The following SATL1 variants were observed in gnomAD, a reference collection of about 807,000 sequenced individuals.
SATL1 encodes spermidine/spermine N(1)-acetyltransferase-like protein 1.
SATL1 carries 47 observed loss-of-function variants against 51.8 expected under a neutral mutation model. The ratio of observed to expected loss-of-function variants is 0.91; its 90% CI spans 0.72 to 1.16. The LOEUF (loss-of-function observed/expected upper bound fraction) is 1.16. Among genes scored for constraint, SATL1 ranks in the 50% most tolerant of loss-of-function variants. SATL1 has a pLI of 0.00. For missense variants in SATL1, 520 were observed against 526.4 expected (o/e 0.99, Z 0.12); for synonymous variants, 176 against 182.4 (o/e 0.97, Z 0.28).
chrX:85,140,495 A>G (rs945266459), intron 2 of SATL1, among the ~76,000 whole-genome samples: 2 of 112,189 alleles, frequency 1.8e-5, no homozygotes, highest in African/African-American at 6.5e-5. Flanking sequence ...CTCCCTTTGA[A>G]ATATGTTTGG....
At chrX:85,157,921 C>T in intron 2 of SATL1, among the ~76,000 whole-genome samples, 1 of 111,514 alleles carries the variant, frequency 9.0e-6, no homozygotes. Flanking sequence ...GATTGTTTCC[C>T]AAAGTCTGGG....
chrX:85,097,203 C>T (rs777805104), intron 4 of SATL1, among the ~76,000 whole-genome samples: 2 of 111,477 alleles, frequency 1.8e-5, no homozygotes, highest in Non-Finnish European at 3.8e-5. Context: ...CAGTAAGACT[C>T]GCTGTGGGAC....
intron 7 of SATL1, 182 bp downstream of exon 7, chrX:85,093,003 C>T: frequency 2.5e-6 from 1 of 401,356 alleles, no homozygotes. Flanking sequence ...TTTTAATTGA[C>T]TATAATTCAT....
At chrX:85,131,313 T>G (rs866572492) in intron 2 of SATL1, among the ~76,000 whole-genome samples, 2 of 111,786 alleles carry the variant, frequency 1.8e-5, no homozygotes, top group Non-Finnish European at 3.8e-5. Context: ...AGAACTTGCT[T>G]TATGAATCTG....
intron 2 of SATL1, among the ~76,000 whole-genome samples, chrX:85,169,476 C>A (rs1327622206): frequency 1.8e-5 from 2 of 111,092 alleles, no homozygotes; most frequent in East Asian, 2.8e-4. Flanking sequence ...AGAAAAGACA[C>A]TTTTCAAAAG....
chrX:85,203,453 A>C (rs1012411556), intron 2 of SATL1, among the ~76,000 whole-genome samples: 1 of 111,155 alleles, frequency 9.0e-6, no homozygotes, highest in African/African-American at 3.3e-5. Context: ...TTGAAGGCCA[A>C]AGGCTGGAAT....
intron 2 of SATL1, among the ~76,000 whole-genome samples, chrX:85,120,498 A>G (rs886624288): frequency 9.0e-6 from 1 of 111,715 alleles, no homozygotes; most frequent in African/African-American, 3.2e-5. Flanking sequence ...TTACTTTGGG[A>G]TTATTGGGAA....
At chrX:85,204,561 G>A (rs1053769841) in intron 2 of SATL1, among the ~76,000 whole-genome samples, 4 of 112,237 alleles carry the variant, frequency 3.6e-5, no homozygotes, top group Admixed American at 9.4e-5. Context: ...AGCTCATAGG[G>A]TTCTGTGAGT....
At chrX:85,159,373 C>T (rs1325449585) in intron 2 of SATL1, among the ~76,000 whole-genome samples, 3 of 111,673 alleles carry the variant, frequency 2.7e-5, no homozygotes, top group Admixed American at 1.9e-4. Flanking sequence ...AGATTAGTGG[C>T]AGCATTAGAT....
chrX:85,150,934 C>T (rs1195206240), intron 2 of SATL1, among the ~76,000 whole-genome samples: 1 of 111,159 alleles, frequency 9.0e-6, no homozygotes, highest in Non-Finnish European at 1.9e-5. Flanking sequence ...CTCACCGCTC[C>T]TATTCAACAC....
In SATL1 at chrX:85,135,806, C is replaced by T. The variant is rs1177684618; in HGVS notation, c.-312-26526G>A. 6.4e-5 allele frequency among the ~76,000 whole-genome samples: 7 copies of T among 109,636 alleles called. No homozygotes were observed. In the East Asian group the frequency reaches 2.0e-3, roughly 32 times the overall value. ...TGTTGCTCAGGCTGGTCTCAAACTC[C>T]TGAGCTCAAGCGTTCCATCTGCCTT... On this transcript the variant is annotated intron_variant, in intron 2 of 7. Transcript: ENST00000644105.
At chrX:85,187,079 C>T (rs1277586279) in intron 2 of SATL1, among the ~76,000 whole-genome samples, 1 of 111,644 alleles carries the variant, frequency 9.0e-6, no homozygotes, top group Non-Finnish European at 1.9e-5. Context: ...TGATTTATTC[C>T]TAAATATTTT....
chrX:85,126,482 A>G (rs1925626777), intron 2 of SATL1, among the ~76,000 whole-genome samples: 1 of 111,419 alleles, frequency 9.0e-6, no homozygotes, highest in Non-Finnish European at 1.9e-5. Flanking sequence ...AGTAAGTAGT[A>G]AAAATCAAAT....
At position 85,156,845 on chromosome X, in the gene SATL1, ATATATATATATATATATATATAT is replaced by A. The variant is rs1569238878; in HGVS notation, c.-312-47588_-312-47566del. On this transcript the variant is annotated intron_variant, in intron 2 of 7. Coordinates refer to ENST00000644105, the MANE Select transcript of SATL1 (RefSeq NM_001367857.2). Reference sequence around the variant, plus strand: ...TATATATATATATATATATATATATATATATATATATATATATATATATAAAATATGTAAATCTCTTCTCATCC... The same window carrying A: ...TATATATATATATATATATATATATAAAAATATGTAAATCTCTTCTCATCC... Among the ~76,000 whole-genome samples, 15 of 34,211 alleles carry A rather than the reference ATATATATATATATATATATATAT, an allele frequency of 4.4e-4. 1 individual carries two copies. Among genetic ancestry groups the A allele is most frequent in the African/African-American group, 9.9e-4 (11 of 11,137 alleles). 29.7% of individuals were successfully genotyped at this position (34,211 alleles called of 115,157 possible).
At chrX:85,148,431 C>T (rs1414374010) in intron 2 of SATL1, among the ~76,000 whole-genome samples, 2 of 110,015 alleles carry the variant, frequency 1.8e-5, no homozygotes, top group East Asian at 5.7e-4. Flanking sequence ...TCTAGCAAGG[C>T]AGGCCAACAT....
chrX:85,227,551 T>C (rs1245403129), intron 1 of SATL1, among the ~76,000 whole-genome samples: 3 of 111,846 alleles, frequency 2.7e-5, no homozygotes, highest in Admixed American at 9.5e-5. Flanking sequence ...TTGCAAACGT[T>C]ATATCCAGAT....
intron 2 of SATL1, among the ~76,000 whole-genome samples, chrX:85,179,227 T>C (rs1206309887): frequency 8.9e-6 from 1 of 112,142 alleles, no homozygotes; most frequent in African/African-American, 3.2e-5. Flanking sequence ...ATTCTACACA[T>C]TTAAAATAAT....
At chrX:85,114,465 T>C in intron 2 of SATL1, among the ~76,000 whole-genome samples, 1 of 111,705 alleles carries the variant, frequency 9.0e-6, no homozygotes, top group Non-Finnish European at 1.9e-5. Flanking sequence ...ATCTCCAAAG[T>C]TATCAGAAAC....
intron 2 of SATL1, among the ~76,000 whole-genome samples, chrX:85,152,141 C>A (rs1424107201): frequency 3.6e-5 from 4 of 111,674 alleles, no homozygotes; most frequent in Non-Finnish European, 7.5e-5. Flanking sequence ...ACAATCCCAT[C>A]AAAATGTGGG....
Sources: allele counts gnomAD v4.1 joint callset (sites outside exome capture counted in the v4.1 genomes callset), GRCh38; gene constraint gnomAD v4.1.1; transcripts MANE v1.5; gene names NCBI Gene and HGNC (gene_info 2026-07-23, HGNC 2026-07-21).